Variants in BMPER observed in about 807,000 individuals in gnomAD.
BMPER encodes the protein BMP binding endothelial regulator, also known as BMP-binding endothelial regulator protein.
BMPER carries 45 observed loss-of-function variants against 87.3 expected under a neutral mutation model. That is an observed-to-expected ratio of 0.52 (90% confidence interval 0.41 to 0.66). The LOEUF is 0.66. BMPER is among the 30% of genes least tolerant of loss of function. The pLI, the probability that BMPER is intolerant of heterozygous loss-of-function variation, is 0.00. For missense variants in BMPER, 784 were observed against 867.5 expected (o/e 0.90, Z 1.21); for synonymous variants, 326 against 316.2 (o/e 1.03, Z -0.33).
At chr7:34,052,084 A>G (rs1562711953) in intron 8 of BMPER, 114 bp downstream of exon 8, 2 of 963,750 alleles carry the variant, frequency 2.1e-6, no homozygotes, top group Non-Finnish European at 3.3e-6. Context: ...GGAAGCATTA[A>G]CAATGCCATT....
chr7:33,953,565 G>A (rs1785078360), intron 3 of BMPER, among the ~76,000 whole-genome samples: 3 of 152,156 alleles, frequency 2.0e-5, no homozygotes, highest in African/African-American at 7.2e-5. Context: ...AGATGCCTGA[G>A]CCCTACTCCA....
At chr7:33,967,690 A>G (rs1478278434) in intron 4 of BMPER, among the ~76,000 whole-genome samples, 1 of 152,242 alleles carries the variant, frequency 6.6e-6, no homozygotes, top group Non-Finnish European at 1.5e-5. Context: ...ATAAGTTTCC[A>G]TAACATCAAA....
At chr7:33,914,172 A>G (rs1784033637) in intron 2 of BMPER, among the ~76,000 whole-genome samples, 1 of 151,826 alleles carries the variant, frequency 6.6e-6, no homozygotes, top group Non-Finnish European at 1.5e-5. Flanking sequence ...TCACCGTGTT[A>G]GCCAGGATGG....
At chr7:34,104,080 T>C (rs1789754443) in intron 13 of BMPER, among the ~76,000 whole-genome samples, 1 of 152,258 alleles carries the variant, frequency 6.6e-6, no homozygotes, top group Non-Finnish European at 1.5e-5. Context: ...CCACTGGACA[T>C]GCCTTTGTTT....
intron 3 of BMPER, among the ~76,000 whole-genome samples, chr7:33,962,132 T>C (rs1206887537): frequency 6.6e-6 from 1 of 152,192 alleles, no homozygotes; most frequent in Admixed American, 6.5e-5. Context: ...TGGGATAATG[T>C]GGCCACTGAA....
intron 12 of BMPER, 44 bp downstream of exon 12, chr7:34,079,230 CT>C: frequency 6.2e-7 from 1 of 1,608,924 alleles, no homozygotes; most frequent in Non-Finnish European, 8.5e-7. Flanking sequence ...CTCCGCCTCA[CT>C]TACCCGTTCA....
intron 6 of BMPER, among the ~76,000 whole-genome samples, chr7:33,998,438 G>T (rs1275479638): frequency 2.0e-5 from 3 of 152,170 alleles, no homozygotes; most frequent in Non-Finnish European, 4.4e-5. Flanking sequence ...ATTGTGACTT[G>T]TTGGAATGTC....
intron 11 of BMPER, chr7:34,067,295 A>G (rs772946644): frequency 2.0e-5 from 3 of 152,168 alleles, no homozygotes; most frequent in Non-Finnish European, 4.4e-5. Flanking sequence ...GTTTTGGCAC[A>G]TCTGATGTAA....
At chr7:33,938,235 G>T (rs139591558) in intron 3 of BMPER, among the ~76,000 whole-genome samples, 1 of 152,300 alleles carries the variant, frequency 6.6e-6, no homozygotes, top group African/African-American at 2.4e-5. Flanking sequence ...TGTTCAGGGT[G>T]TGGGCTCTGG....
At chr7:34,048,599 G>T (rs1788055774) in intron 7 of BMPER, among the ~76,000 whole-genome samples, 1 of 152,150 alleles carries the variant, frequency 6.6e-6, no homozygotes, top group African/African-American at 2.4e-5. Context: ...ATTTGGGTCT[G>T]GCTCCAAAGA....
At chr7:33,942,053 A>G (rs542290426) in intron 3 of BMPER, among the ~76,000 whole-genome samples, 4 of 152,216 alleles carry the variant, frequency 2.6e-5, no homozygotes, top group Admixed American at 1.3e-4. Context: ...GCATGGCTCT[A>G]TCAGCAAGCA....
At chr7:33,937,079 C>T (rs773841438) in intron 2 of BMPER, among the ~76,000 whole-genome samples, 1 of 152,184 alleles carries the variant, frequency 6.6e-6, no homozygotes, top group Admixed American at 6.5e-5. Flanking sequence ...CTTTTCATCT[C>T]CTCTCATCTG....
At chr7:34,047,645 G>A (rs1336914048) in intron 7 of BMPER, among the ~76,000 whole-genome samples, 1 of 152,044 alleles carries the variant, frequency 6.6e-6, no homozygotes, top group Non-Finnish European at 1.5e-5. Context: ...TTTCAAATAA[G>A]TATGGTGGCT....
chr7:33,966,662 C>T, intron 4 of BMPER, 101 bp downstream of exon 4: 1 of 1,143,324 alleles, frequency 8.7e-7, no homozygotes, highest in South Asian at 1.3e-5. Flanking sequence ...AAAGGCCAAA[C>T]AGAAATGAAA....
At chr7:33,992,756 C>T (rs964572965) in intron 6 of BMPER, among the ~76,000 whole-genome samples, 6 of 148,814 alleles carry the variant, frequency 4.0e-5, no homozygotes, top group African/African-American at 7.4e-5. Flanking sequence ...CGGCTGGTAC[C>T]GGTTGCTCCT....
At chr7:33,946,048 TATAAA>T (rs781486065) in intron 3 of BMPER, among the ~76,000 whole-genome samples, 1 of 152,086 alleles carries the variant, frequency 6.6e-6, no homozygotes, top group Non-Finnish European at 1.5e-5. Context: ...CTGGGTAACT[TATAAA>T]GAAAAGAGGT....
chr7:34,037,874 G>C lies in BMPER; in HGVS notation c.577-8432G>C, dbSNP rs530098539. Among the ~76,000 whole-genome samples the C allele has an allele frequency of 3.1e-4, 47 of 152,298 alleles. 1 individual carries two copies. The highest frequency in any genetic ancestry group is 3.4e-3 in the Middle Eastern group (1 of 294). On this transcript the variant is annotated intron_variant, in intron 6 of 14. Transcript: ENST00000649409. ...AAATAAGTGGATGTGAACTTACTCA[G>C]ATCGCAAGCCATAAGACCAGGATTT...
chr7:34,014,125 T>C (rs1040801625), intron 6 of BMPER, among the ~76,000 whole-genome samples: 1 of 151,986 alleles, frequency 6.6e-6, no homozygotes, highest in Non-Finnish European at 1.5e-5. Flanking sequence ...ACTTGTTGAA[T>C]AGATGAAATC....
intron 13 of BMPER, among the ~76,000 whole-genome samples, chr7:34,104,311 T>G (rs1789761307): frequency 6.6e-6 from 1 of 152,144 alleles, no homozygotes; most frequent in Non-Finnish European, 1.5e-5. Flanking sequence ...TCAAGAGAGA[T>G]AAGCTCTTGA....
Sources: gnomAD v4.1 joint callset for allele counts (sites outside exome capture counted in the v4.1 genomes callset) on GRCh38, gnomAD v4.1.1 for gene constraint, MANE v1.5 for transcripts, NCBI Gene and HGNC (gene_info 2026-07-23, HGNC 2026-07-21) for gene names.